Variants in ADGRL3 observed in about 807,000 individuals in gnomAD.
ADGRL3 encodes the protein adhesion G protein-coupled receptor L3.
In ADGRL3, 62 loss-of-function variants were observed where a neutral mutation model predicts 153.5. The observed-to-expected ratio is 0.40, with a 90% CI of 0.33 to 0.50. ADGRL3 has a LOEUF of 0.50. ADGRL3 is among the 20% of genes least tolerant of loss of function. The pLI is 0.47. For synonymous variants in ADGRL3, 710 were observed against 672.5 expected, an observed-to-expected ratio of 1.06 and a Z score of -0.86; for missense variants, 1,641 against 1,859.4, an observed-to-expected ratio of 0.88 and a Z score of 2.16.
chr4:62,042,888 C>T lies in ADGRL3; in HGVS notation c.3718-1565C>T, dbSNP rs1048095468. Among the ~76,000 whole-genome samples, 3 of 152,112 alleles carry T rather than the reference C, an allele frequency of 2.0e-5. No individual in the cohort carries two copies. In the East Asian group the frequency reaches 5.8e-4, roughly 30 times the overall value. ...AATACCTTGGAAACCCTTTGAACCC[C>T]TCTCAATCATTAAGCTCCAAACATA... is the stretch of plus-strand genomic sequence containing the variant. On this transcript the variant is annotated intron_variant, in intron 24 of 26. Coordinates refer to ENST00000683033, the MANE Select transcript of ADGRL3 (RefSeq NM_001387552.1).
At chr4:61,395,794 T>C (rs551779759) in intron 2 of ADGRL3, among the ~76,000 whole-genome samples, 2 of 152,076 alleles carry the variant, frequency 1.3e-5, no homozygotes, top group East Asian at 3.9e-4. Context: ...TTAACTGGCA[T>C]GGACTTCAAT....
intron 25 of ADGRL3, among the ~76,000 whole-genome samples, chr4:62,048,408 A>G (rs1182682457): frequency 6.6e-6 from 1 of 151,892 alleles, no homozygotes; most frequent in Non-Finnish European, 1.5e-5. Flanking sequence ...GATTACAGAC[A>G]CACACCACCA....
Position 61,895,903 on chromosome 4 carries a change from GA to G in ADGRL3, c.1887+77del, listed in dbSNP as rs906939467. ...CATCTGTTGTTGATGATAGCTGTTGGAAAAAAAACAGTCAAGAATTCTTTTA... is the reference window on the plus strand; with the variant it reads ...CATCTGTTGTTGATGATAGCTGTTGGAAAAAAACAGTCAAGAATTCTTTTA... On this transcript the variant is annotated intron_variant, in intron 11 of 26. Coordinates refer to ENST00000683033, the MANE Select transcript of ADGRL3 (RefSeq NM_001387552.1). 109 of 797,664 alleles carry G rather than the reference GA, an allele frequency of 1.4e-4. No homozygotes were observed. In the African/African-American group the frequency reaches 1.5e-3, roughly 11 times the overall value. The allele number at this position is 797,664 out of a possible 1,614,324, so 49.4% of individuals were successfully genotyped here. A position where few individuals can be genotyped will look rare whatever the true frequency, so the allele number is the denominator to read the frequency against.
chr4:61,785,209 T>A (rs2097263229), intron 8 of ADGRL3, among the ~76,000 whole-genome samples: 1 of 152,198 alleles, frequency 6.6e-6, no homozygotes, highest in Non-Finnish European at 1.5e-5. Flanking sequence ...AAAGTATTCA[T>A]GCTTCATTCT....
intron 2 of ADGRL3, among the ~76,000 whole-genome samples, chr4:61,428,503 C>T (rs1468864418): frequency 2.0e-5 from 3 of 152,090 alleles, no homozygotes; most frequent in Non-Finnish European, 4.4e-5. Flanking sequence ...AAAATTAGAT[C>T]TGAAAAAATT....
chr4:61,908,170 T>G (rs570470207), intron 11 of ADGRL3, among the ~76,000 whole-genome samples: 20 of 151,962 alleles, frequency 1.3e-4, no homozygotes, highest in African/African-American at 4.8e-4. Context: ...CCAGCTACAT[T>G]GGAGGATGAG....
intron 5 of ADGRL3, among the ~76,000 whole-genome samples, chr4:61,673,957 G>A (rs183335791): frequency 6.6e-6 from 1 of 151,232 alleles, no homozygotes; most frequent in East Asian, 1.9e-4. Context: ...CCACTGAACA[G>A]ACACTATCTC....
intron 23 of ADGRL3, among the ~76,000 whole-genome samples, chr4:62,032,162 A>G (rs1189141021): frequency 2.0e-5 from 3 of 151,524 alleles, no homozygotes; most frequent in African/African-American, 7.3e-5. Flanking sequence ...AATGGTATCT[A>G]TATTTCTTTC....
At chr4:61,480,289 G>T (rs1043720337) in intron 2 of ADGRL3, among the ~76,000 whole-genome samples, 1 of 152,046 alleles carries the variant, frequency 6.6e-6, no homozygotes, top group Non-Finnish European at 1.5e-5. Context: ...AATATTTGTT[G>T]TTCTGTGTCT....
chr4:61,906,717 T>A (rs2098697497), intron 11 of ADGRL3, among the ~76,000 whole-genome samples: 1 of 146,458 alleles, frequency 6.8e-6, no homozygotes. Flanking sequence ...ATATTAAACT[T>A]TTTTTTTTTT....
At chr4:61,478,470 A>AT (rs1434083235) in intron 2 of ADGRL3, among the ~76,000 whole-genome samples, 5 of 152,048 alleles carry the variant, frequency 3.3e-5, no homozygotes, top group African/African-American at 9.6e-5. Flanking sequence ...TCTAAAATGT[A>AT]TTTTTTAATG....
chr4:62,017,596 G>A (rs1348549164), intron 21 of ADGRL3, among the ~76,000 whole-genome samples: 1 of 151,962 alleles, frequency 6.6e-6, no homozygotes, highest in Non-Finnish European at 1.5e-5. Context: ...AAGTTCTGAA[G>A]TGAAATGTTA....
At chr4:61,560,739 C>G (rs1277107151) in intron 4 of ADGRL3, among the ~76,000 whole-genome samples, 1 of 151,992 alleles carries the variant, frequency 6.6e-6, no homozygotes, top group Non-Finnish European at 1.5e-5. Context: ...CTCCATGCAA[C>G]TGACTCAATA....
chr4:61,246,972 A>G (rs1241345156), intron 1 of ADGRL3, among the ~76,000 whole-genome samples: 2 of 152,090 alleles, frequency 1.3e-5, no homozygotes, highest in Admixed American at 1.3e-4. Context: ...ACACAACACA[A>G]ATTGAATGCT....
chr4:61,603,692 A>G (rs1374938328), intron 5 of ADGRL3, among the ~76,000 whole-genome samples: 6 of 152,038 alleles, frequency 3.9e-5, no homozygotes, highest in Admixed American at 1.3e-4. Context: ...TTGAAAAATT[A>G]AACTTACCAA....
intron 2 of ADGRL3, among the ~76,000 whole-genome samples, chr4:61,459,055 A>T (rs1196976802): frequency 6.6e-6 from 1 of 151,528 alleles, no homozygotes; most frequent in African/African-American, 2.4e-5. Context: ...TAAGGAAAAG[A>T]TTATTTTCTT....
Position 61,540,351 on chromosome 4 carries a change from C to G in ADGRL3, c.259+22833C>G, listed in dbSNP as rs562596144. Among the ~76,000 whole-genome samples the G allele has an allele frequency of 3.3e-5, 5 of 152,210 alleles. No individual in the cohort carries two copies. The South Asian group carries it at 8.3e-4, about 25-fold the overall frequency. ...CTCACTTGAGGTCAGGAGTTCAACA[C>G]CAGCCTGGCCAATTAGGAGAAACTC... On this transcript the variant is annotated intron_variant, in intron 4 of 26. Transcript: ENST00000683033.
intron 9 of ADGRL3, among the ~76,000 whole-genome samples, chr4:61,848,116 A>T (rs1222452797): frequency 6.2e-4 from 70 of 112,320 alleles, no homozygotes; most frequent in Middle Eastern, 7.8e-3. Flanking sequence ...TAATATATAT[A>T]TTAGAGGAGC....
intron 2 of ADGRL3, among the ~76,000 whole-genome samples, chr4:61,456,347 G>T (rs546736942): frequency 1.4e-5 from 2 of 141,710 alleles, no homozygotes; most frequent in South Asian, 2.2e-4. Context: ...GATATTTGAA[G>T]GAGATATATA....
Sources: gnomAD v4.1 joint callset for allele counts (sites outside exome capture counted in the v4.1 genomes callset) on GRCh38, gnomAD v4.1.1 for gene constraint, MANE v1.5 for transcripts, NCBI Gene and HGNC (gene_info 2026-07-23, HGNC 2026-07-21) for gene names.